Variants in ERBB4 observed in about 807,000 individuals in gnomAD.
ERBB4 encodes the protein erb-b2 receptor tyrosine kinase 4, also known as receptor tyrosine-protein kinase erbB-4.
A neutral mutation model predicts 158.0 loss-of-function variants in ERBB4; 42 were observed. That is an observed-to-expected ratio of 0.27 (90% CI 0.21 to 0.34). The LOEUF is 0.34. Ranked by LOEUF, ERBB4 falls within the 10% of genes least tolerant of loss-of-function variation. The pLI, the probability that ERBB4 is intolerant of heterozygous loss-of-function variation, is 1.00. For synonymous variants in ERBB4, 583 were observed against 558.7 expected, an observed-to-expected ratio of 1.04 and a Z score of -0.61; for missense variants, 1,333 against 1,624.1, an observed-to-expected ratio of 0.82 and a Z score of 3.08.
At chr2:212,253,566 C>T (rs1235375117) in intron 1 of ERBB4, among the ~76,000 whole-genome samples, 1 of 152,056 alleles carries the variant, frequency 6.6e-6, no homozygotes, top group Non-Finnish European at 1.5e-5. Flanking sequence ...TGGAGTGGGG[C>T]CCATACTTTT....
At chr2:211,620,712 T>C (rs914200368) in intron 18 of ERBB4, among the ~76,000 whole-genome samples, 2 of 152,142 alleles carry the variant, frequency 1.3e-5, no homozygotes, top group African/African-American at 4.8e-5. Flanking sequence ...ACTGATGTTA[T>C]CTAGGGTGGA....
At chr2:211,876,943 G>T (rs1024892458) in intron 3 of ERBB4, among the ~76,000 whole-genome samples, 1 of 151,976 alleles carries the variant, frequency 6.6e-6, no homozygotes, top group African/African-American at 2.4e-5. Context: ...TGGTTTCATT[G>T]TTCCCGTTCA....
At chr2:212,219,636 C>A (rs1234639409) in intron 1 of ERBB4, among the ~76,000 whole-genome samples, 1 of 151,144 alleles carries the variant, frequency 6.6e-6, no homozygotes, top group East Asian at 1.9e-4. Context: ...TCCTCTGCCC[C>A]TTACTGAGCC....
chr2:212,221,010 T>C (rs1480029483), intron 1 of ERBB4, among the ~76,000 whole-genome samples: 1 of 151,538 alleles, frequency 6.6e-6, no homozygotes, highest in East Asian at 1.9e-4. Flanking sequence ...TGACATTTTG[T>C]CCAACCCAGT....
chr2:211,687,342 G>A (rs1015863651), intron 12 of ERBB4, among the ~76,000 whole-genome samples: 1 of 148,980 alleles, frequency 6.7e-6, no homozygotes, highest in Non-Finnish European at 1.5e-5. Flanking sequence ...AACGAAAAAA[G>A]AACCCTCCCA....
At chr2:211,495,735 T>C (rs1445500646) in intron 20 of ERBB4, among the ~76,000 whole-genome samples, 1 of 152,128 alleles carries the variant, frequency 6.6e-6, no homozygotes, top group Non-Finnish European at 1.5e-5. Context: ...TTCATTAAAA[T>C]GGATTAAGCA....
intron 1 of ERBB4, among the ~76,000 whole-genome samples, chr2:212,158,637 A>T (rs1027412767): frequency 3.9e-5 from 6 of 151,970 alleles, no homozygotes; most frequent in African/African-American, 1.4e-4. Flanking sequence ...TCTCTGGGCC[A>T]CTCACATCCC....
intron 19 of ERBB4, among the ~76,000 whole-genome samples, chr2:211,604,083 G>A (rs2068894350): frequency 6.6e-6 from 1 of 152,158 alleles, no homozygotes; most frequent in Non-Finnish European, 1.5e-5. Flanking sequence ...ACTGCAGATT[G>A]AGTCTTGTAG....
chr2:211,493,255 T>G (rs1425563652), intron 20 of ERBB4, among the ~76,000 whole-genome samples: 4 of 152,128 alleles, frequency 2.6e-5, no homozygotes, highest in African/African-American at 9.6e-5. Context: ...ATCCAACATC[T>G]TTAAAACAAA....
At chr2:211,838,515 T>C (rs1433191943) in intron 3 of ERBB4, among the ~76,000 whole-genome samples, 2 of 152,140 alleles carry the variant, frequency 1.3e-5, no homozygotes, top group Non-Finnish European at 2.9e-5. Flanking sequence ...ACTCAAGATA[T>C]TAAAAGTGAA....
intron 7 of ERBB4, among the ~76,000 whole-genome samples, chr2:211,716,221 G>A (rs1172910968): frequency 1.3e-5 from 2 of 151,874 alleles, no homozygotes; most frequent in Non-Finnish European, 2.9e-5. Context: ...AATTAGCCAG[G>A]CATGGTGGCG....
At chr2:211,637,692 CA>C (rs1206833604) in intron 16 of ERBB4, among the ~76,000 whole-genome samples, 2 of 151,928 alleles carry the variant, frequency 1.3e-5, no homozygotes, top group Non-Finnish European at 2.9e-5. Flanking sequence ...CTTTTACATA[CA>C]TTGTATAGTT....
chr2:212,060,645 T>C (rs573435232), intron 2 of ERBB4, among the ~76,000 whole-genome samples: 101 of 87,206 alleles, frequency 1.2e-3, no homozygotes, highest in African/African-American at 2.7e-3. Context: ...AAAGAATGAG[T>C]TCGTGTCCTT....
Position 211,932,707 on chromosome 2 carries a change from T to A in ERBB4, c.421+14723A>T, listed in dbSNP as rs560573962. 1.1e-3 allele frequency among the ~76,000 whole-genome samples: 172 copies of A among 152,082 alleles called. 1 individual carries two copies. Among genetic ancestry groups the A allele is most frequent in the African/African-American group, 3.5e-3 (146 of 41,558 alleles). ...ATTTCCTCTTTAAAAATACAAAATTTTGTAATTCCAAAGGAAAATGTTTCA... is the reference window on the plus strand; with the variant it reads ...ATTTCCTCTTTAAAAATACAAAATTATGTAATTCCAAAGGAAAATGTTTCA... On this transcript the variant is annotated intron_variant, in intron 3 of 27. Transcript: ENST00000342788.
At chr2:211,716,640 C>T (rs1304206667) in intron 7 of ERBB4, among the ~76,000 whole-genome samples, 2 of 151,940 alleles carry the variant, frequency 1.3e-5, no homozygotes, top group Admixed American at 6.5e-5. Context: ...TGCGCCACTG[C>T]ATTCCGGCCT....
chr2:212,194,799 T>C (rs576684754), intron 1 of ERBB4, among the ~76,000 whole-genome samples: 4 of 152,150 alleles, frequency 2.6e-5, no homozygotes, highest in African/African-American at 4.8e-5. Flanking sequence ...AGAGAAGTCA[T>C]GGTTCTCGAA....
rs544590151 is a variant in ERBB4, at chr2:212,148,174, T to C, written c.83-23271A>G. 1.3e-3 allele frequency among the ~76,000 whole-genome samples: 204 copies of C among 151,890 alleles called. 2 individuals carry two copies. The highest frequency in any genetic ancestry group is 3.4e-3 in the Middle Eastern group (1 of 294). On this transcript the variant is annotated intron_variant, in intron 1 of 27. Coordinates refer to ENST00000342788, the MANE Select transcript of ERBB4 (RefSeq NM_005235.3). The stretch of plus-strand genomic sequence containing the variant: ...TTTTTTTTTATTCAGAGTGAAAAAG[T>C]ACAATGGCATAATTGGTACCGATTT...
At chr2:211,838,999 A>C (rs1371155546) in intron 3 of ERBB4, among the ~76,000 whole-genome samples, 1 of 152,154 alleles carries the variant, frequency 6.6e-6, no homozygotes, top group Non-Finnish European at 1.5e-5. Context: ...AGGTAATTTT[A>C]CTGTATGTGC....
chr2:211,561,959 G>A lies in ERBB4; in HGVS notation c.2431C>T (p.His811Tyr). The A allele has an allele frequency of 3.7e-6, 6 of 1,614,130 alleles. No homozygotes were observed. The highest frequency in any genetic ancestry group is 5.1e-6 in the Non-Finnish European group (6 of 1,180,018). ...AGTTGTGATCCAATGTTATCCTTGT[G>A]CTCGTGGACATACTCCAACAGGCAG... ...HGCLLEYVHE[H>Y]KDNIGSQLLL... is the part of the protein sequence containing the mutation. Residue 811 changes from histidine to tyrosine, a missense_variant, in exon 20 of 28, where the codon CAC becomes TAC. Coordinates refer to ENST00000342788, the MANE Select transcript of ERBB4 (RefSeq NM_005235.3).
Sources: gnomAD v4.1 joint callset for allele counts (sites outside exome capture counted in the v4.1 genomes callset) on GRCh38, gnomAD v4.1.1 for gene constraint, MANE v1.5 for transcripts, NCBI Gene and HGNC (gene_info 2026-07-23, HGNC 2026-07-21) for gene names.